Variants in OSBPL8 observed in about 807,000 individuals in gnomAD.
OSBPL8 encodes the protein oxysterol-binding protein-related protein 8.
Under a neutral mutation model 125.5 loss-of-function variants are expected in OSBPL8, and 59 were observed. That is an observed-to-expected ratio of 0.47 (90% confidence interval 0.38 to 0.58). OSBPL8 has a LOEUF of 0.58. Among genes scored for constraint, OSBPL8 ranks in the 20% least tolerant of loss-of-function variants. The pLI is 0.00. For synonymous variants in OSBPL8, 330 were observed against 338.9 expected (o/e 0.97, Z 0.29); for missense variants, 758 against 1,047.8 (o/e 0.72, Z 3.82).
chr12:76,479,336 A>T (rs1877188900), intron 2 of OSBPL8, among the ~76,000 whole-genome samples: 1 of 152,180 alleles, frequency 6.6e-6, no homozygotes, highest in Non-Finnish European at 1.5e-5. Context: ...TCCACCCACT[A>T]CATGCACACA....
At chr12:76,506,703 C>A (rs1274131724) in intron 1 of OSBPL8, among the ~76,000 whole-genome samples, 2 of 152,124 alleles carry the variant, frequency 1.3e-5, no homozygotes. Context: ...AAATTCCACA[C>A]CTTTGATAAC....
At chr12:76,414,741 C>T (rs1475719755) in intron 4 of OSBPL8, among the ~76,000 whole-genome samples, 1 of 151,984 alleles carries the variant, frequency 6.6e-6, no homozygotes, top group Non-Finnish European at 1.5e-5. Context: ...GTATAAGCCA[C>T]CATGTCCAGC....
intron 1 of OSBPL8, chr12:76,538,125 C>G (rs1950547853): frequency 6.6e-6 from 1 of 152,122 alleles, no homozygotes; most frequent in African/African-American, 2.4e-5. Flanking sequence ...GAGACCTTGA[C>G]TCAGAGTAGA....
chr12:76,469,906 GA>G (rs796337263), intron 2 of OSBPL8, among the ~76,000 whole-genome samples: 18 of 144,424 alleles, frequency 1.2e-4, no homozygotes, highest in South Asian at 1.1e-3. Context: ...GACAAGAAAA[GA>G]AAAAAAAAAG....
At chr12:76,385,912 A>T in intron 14 of OSBPL8, 1 of 345,036 alleles carries the variant, frequency 2.9e-6, no homozygotes, top group Non-Finnish European at 4.6e-6. Context: ...AAAAAATTAA[A>T]AAAAGGGCAG....
chr12:76,373,201 C>A, intron 18 of OSBPL8, 143 bp downstream of exon 18: 1 of 519,692 alleles, frequency 1.9e-6, no homozygotes, highest in Non-Finnish European at 3.3e-6. Flanking sequence ...AACAGAACAC[C>A]ACCAAAATAT....
chr12:76,386,869 T>C (rs1953334017), intron 12 of OSBPL8, among the ~76,000 whole-genome samples: 1 of 152,194 alleles, frequency 6.6e-6, no homozygotes, highest in Non-Finnish European at 1.5e-5. Context: ...CATTTTCCTA[T>C]TCTTTGATAC....
At chr12:76,498,470 T>C (rs1260027825) in intron 1 of OSBPL8, among the ~76,000 whole-genome samples, 1 of 152,230 alleles carries the variant, frequency 6.6e-6, no homozygotes, top group South Asian at 2.1e-4. Flanking sequence ...TTTGCATCTG[T>C]ACTTTCACTG....
chr12:76,505,895 T>C (rs1880365398), intron 1 of OSBPL8, among the ~76,000 whole-genome samples: 1 of 152,296 alleles, frequency 6.6e-6, no homozygotes, highest in South Asian at 2.1e-4. Flanking sequence ...GATGGGAAGC[T>C]ACTGCTGAAA....
intron 4 of OSBPL8, 68 bp from the exon 5 acceptor site, chr12:76,410,702 A>G: frequency 3.7e-6 from 4 of 1,076,734 alleles, no homozygotes; most frequent in Non-Finnish European, 5.7e-6. Context: ...TTCATTTTCA[A>G]GTATAGACTA....
intron 4 of OSBPL8, among the ~76,000 whole-genome samples, chr12:76,412,655 G>C (rs1180936575): frequency 6.6e-6 from 1 of 152,056 alleles, no homozygotes; most frequent in East Asian, 1.9e-4. Flanking sequence ...ACCCGAGTGT[G>C]ACACACTATG....
chr12:76,452,781 T>C (rs1873571080), intron 3 of OSBPL8, among the ~76,000 whole-genome samples: 1 of 152,192 alleles, frequency 6.6e-6, no homozygotes, highest in Non-Finnish European at 1.5e-5. Flanking sequence ...CCTGCCGTAA[T>C]AGTCTTCTTG....
At chr12:76,435,651 G>A (rs560333038) in intron 4 of OSBPL8, among the ~76,000 whole-genome samples, 1 of 151,932 alleles carries the variant, frequency 6.6e-6, no homozygotes, top group Non-Finnish European at 1.5e-5. Context: ...ATATATTATT[G>A]ATATTTGTCA....
At chr12:76,395,476 A>G (rs574580710) in intron 8 of OSBPL8, among the ~76,000 whole-genome samples, 1 of 152,330 alleles carries the variant, frequency 6.6e-6, no homozygotes, top group Non-Finnish European at 1.5e-5. Context: ...TCCAAAAAGC[A>G]TAACATTAGA....
At chr12:76,369,362 T>G (rs1168804789) in intron 20 of OSBPL8, 61 bp from the exon 21 acceptor site, 9 of 1,532,382 alleles carry the variant, frequency 5.9e-6, no homozygotes, top group African/African-American at 1.4e-5. Context: ...ACTTTAAAAC[T>G]TTCTATTCTA....
chr12:76,422,345 A>G (rs1161091061), intron 4 of OSBPL8, among the ~76,000 whole-genome samples: 1 of 152,200 alleles, frequency 6.6e-6, no homozygotes, highest in East Asian at 1.9e-4. Context: ...AGGCTCTAAG[A>G]GAAAATATGG....
At chr12:76,417,816 T>A (rs762432557) in intron 4 of OSBPL8, among the ~76,000 whole-genome samples, 38 of 152,162 alleles carry the variant, frequency 2.5e-4, no homozygotes, top group Non-Finnish European at 4.4e-4. Flanking sequence ...ATCACTCTAA[T>A]ATCCAAGAAG....
At chr12:76,410,454 G>A in intron 5 of OSBPL8, 110 bp downstream of exon 5, 1 of 751,406 alleles carries the variant, frequency 1.3e-6, no homozygotes, top group Non-Finnish European at 2.3e-6. Context: ...TGGTTCAGAT[G>A]TATCAACATA....
intron 8 of OSBPL8, among the ~76,000 whole-genome samples, chr12:76,396,658 G>T (rs907293592): frequency 1.3e-5 from 2 of 152,142 alleles, no homozygotes; most frequent in Admixed American, 1.3e-4. Flanking sequence ...GGGGGCTGCG[G>T]TGGGAGAACT....
Sources: allele counts gnomAD v4.1 joint callset (sites outside exome capture counted in the v4.1 genomes callset), GRCh38; gene constraint gnomAD v4.1.1; transcripts MANE v1.5; gene names NCBI Gene and HGNC (gene_info 2026-07-23, HGNC 2026-07-21).